FBXL7: variants seen among roughly 807,000 people sequenced by gnomAD.
FBXL7 encodes F-box/LRR-repeat protein 7.
Under a neutral mutation model 38.3 loss-of-function variants are expected in FBXL7, and 12 were observed. The observed-to-expected ratio is 0.31, with a 90% CI of 0.20 to 0.51. The LOEUF is 0.51. Ranked by LOEUF, FBXL7 falls within the 20% of genes least tolerant of loss-of-function variation. FBXL7 has a pLI of 0.98. For missense variants in FBXL7, 567 were observed against 676.4 expected (o/e 0.84, Z 1.79); for synonymous variants, 297 against 300.9 (o/e 0.99, Z 0.13).
intron 2 of FBXL7, among the ~76,000 whole-genome samples, chr5:15,873,021 A>G (rs569601190): frequency 6.6e-6 from 1 of 152,312 alleles, no homozygotes; most frequent in Admixed American, 6.5e-5. Context: ...AATCAACCAC[A>G]TAATTGGAAG....
chr5:15,783,720 T>A (rs60818154), intron 2 of FBXL7, among the ~76,000 whole-genome samples: 7 of 151,768 alleles, frequency 4.6e-5, no homozygotes, highest in Non-Finnish European at 8.8e-5. Flanking sequence ...TCAGTTAAGG[T>A]GTAGAGGTGA....
intron 2 of FBXL7, among the ~76,000 whole-genome samples, chr5:15,922,373 T>C (rs1741766296): frequency 6.6e-6 from 1 of 152,152 alleles, no homozygotes; most frequent in African/African-American, 2.4e-5. Flanking sequence ...TATTTTATCT[T>C]CAAGTAAAAT....
chr5:15,784,977 C>T (rs1345148142), intron 2 of FBXL7, among the ~76,000 whole-genome samples: 1 of 152,124 alleles, frequency 6.6e-6, no homozygotes, highest in Non-Finnish European at 1.5e-5. Flanking sequence ...TAAAGGTATT[C>T]CTTTTCTTTT....
In FBXL7 at chr5:15,584,610, A is replaced by G. The variant is rs57793295; in HGVS notation, c.38-31373A>G. On this transcript the variant is annotated intron_variant, in intron 1 of 3. Coordinates refer to ENST00000504595, the MANE Select transcript of FBXL7 (RefSeq NM_012304.5). The stretch of plus-strand genomic sequence containing the variant: ...ACCATTCAAGTCTCTAGCAAGTTCC[A>G]CAGATGACCACATCTTTCTTTCTCT... Among the ~76,000 whole-genome samples, 326 of 152,296 alleles carry G rather than the reference A, an allele frequency of 2.1e-3. 2 individuals carry two copies. The highest frequency in any genetic ancestry group is 7.0e-3 in the African/African-American group (292 of 41,564).
intron 2 of FBXL7, among the ~76,000 whole-genome samples, chr5:15,782,114 G>A (rs1375262624): frequency 2.6e-5 from 4 of 152,086 alleles, no homozygotes; most frequent in Non-Finnish European, 1.5e-5. Flanking sequence ...AGTTTGCTGA[G>A]AATGAGGGTT....
At chr5:15,716,027 T>C (rs1487045469) in intron 2 of FBXL7, among the ~76,000 whole-genome samples, 2 of 152,228 alleles carry the variant, frequency 1.3e-5, no homozygotes, top group African/African-American at 4.8e-5. Flanking sequence ...AAAACCCTAC[T>C]GTATTTTCAT....
chr5:15,927,826 T>C, intron 2 of FBXL7, 64 bp from the exon 3 acceptor site: 1 of 1,237,852 alleles, frequency 8.1e-7, no homozygotes, highest in Non-Finnish European at 1.1e-6. Flanking sequence ...CCAGTGCTTT[T>C]GCTGCCTCCC....
rs1181286651 is a variant in FBXL7, at chr5:15,799,693, A to G, written c.128-128197A>G. Among the ~76,000 whole-genome samples the G allele has an allele frequency of 9.2e-5, 14 of 152,302 alleles. No individual in the cohort carries two copies. The East Asian group carries it at 2.5e-3, about 27-fold the overall frequency. ...CTTTCTAAAAAGGAAAAAAGGTCAC[A>G]ATGCTGAGGGTGTCTTAATTCAAAA... On this transcript the variant is annotated intron_variant, in intron 2 of 3. Transcript: ENST00000504595.
At chr5:15,566,747 C>T (rs1266784843) in intron 1 of FBXL7, among the ~76,000 whole-genome samples, 1 of 152,136 alleles carries the variant, frequency 6.6e-6, no homozygotes, top group African/African-American at 2.4e-5. Context: ...ATTCAGATGG[C>T]ACAGACTTCT....
chr5:15,749,605 G>A (rs978147977), intron 2 of FBXL7, among the ~76,000 whole-genome samples: 5 of 151,932 alleles, frequency 3.3e-5, no homozygotes, highest in African/African-American at 7.2e-5. Context: ...CCAGCCTGGG[G>A]GACAGAGCGA....
rs1358104253 is a variant in FBXL7 at position 15,912,128 on chromosome 5, T to C, written c.128-15762T>C. Among the ~76,000 whole-genome samples the C allele has an allele frequency of 6.3e-4, 32 of 50,552 alleles. No individual in the cohort carries two copies. In the South Asian group the frequency reaches 0.012, roughly 20 times the overall value. The allele number at this position is 50,552 out of a possible 152,430, so 33.2% of individuals were successfully genotyped here. A position where few individuals can be genotyped will look rare whatever the true frequency, so the allele number is the denominator to read the frequency against. ...GGCGGGCGCCCCTCCCCCAGCCTCG[T>C]TGCCGCCTTGCAGTTTGATCTCAGA... On this transcript the variant is annotated intron_variant, in intron 2 of 3. Transcript: ENST00000504595.
chr5:15,516,643 C>G (rs911892237), intron 1 of FBXL7, among the ~76,000 whole-genome samples: 5 of 151,994 alleles, frequency 3.3e-5, no homozygotes, highest in Admixed American at 2.6e-4. Flanking sequence ...GGAGGGACTT[C>G]GTGGGAGGTA....
intron 2 of FBXL7, among the ~76,000 whole-genome samples, chr5:15,771,542 G>A (rs950844388): frequency 6.6e-6 from 1 of 152,156 alleles, no homozygotes; most frequent in African/African-American, 2.4e-5. Flanking sequence ...GGGAAAGGGA[G>A]AGATATCAGA....
chr5:15,790,958 G>A (rs554096763), intron 2 of FBXL7, among the ~76,000 whole-genome samples: 144 of 152,032 alleles, frequency 9.5e-4, no homozygotes, highest in African/African-American at 3.4e-3. Context: ...TGGGAAGTCC[G>A]TGAGTACCAG....
intron 1 of FBXL7, among the ~76,000 whole-genome samples, chr5:15,556,268 T>A (rs1738237143): frequency 6.6e-6 from 1 of 152,060 alleles, no homozygotes; most frequent in South Asian, 2.1e-4. Flanking sequence ...CCAGGAGTCC[T>A]AATGGTGTAA....
intron 2 of FBXL7, among the ~76,000 whole-genome samples, chr5:15,758,070 T>C (rs920158692): frequency 6.6e-6 from 1 of 152,004 alleles, no homozygotes; most frequent in East Asian, 1.9e-4. Flanking sequence ...CCAAGTAGAG[T>C]TGGCAGGCAG....
intron 2 of FBXL7, among the ~76,000 whole-genome samples, chr5:15,652,442 G>GT (rs913934083): frequency 2.0e-5 from 3 of 152,030 alleles, no homozygotes; most frequent in Non-Finnish European, 4.4e-5. Context: ...AATTTTTTGT[G>GT]TTTTTTGTAG....
intron 1 of FBXL7, among the ~76,000 whole-genome samples, chr5:15,569,863 G>A (rs986583399): frequency 4.2e-4 from 64 of 152,250 alleles, no homozygotes; most frequent in African/African-American, 1.3e-3. Context: ...GGTTTTTGTC[G>A]TTGGTTCTGT....
intron 2 of FBXL7, among the ~76,000 whole-genome samples, chr5:15,748,451 C>G (rs999308079): frequency 6.6e-6 from 1 of 152,128 alleles, no homozygotes; most frequent in African/African-American, 2.4e-5. Flanking sequence ...GGGGTTTCCC[C>G]CATACTGTTC....
Sources: gnomAD v4.1 joint callset for allele counts (sites outside exome capture counted in the v4.1 genomes callset) on GRCh38, gnomAD v4.1.1 for gene constraint, MANE v1.5 for transcripts, NCBI Gene and HGNC (gene_info 2026-07-23, HGNC 2026-07-21) for gene names.